OAS1: variants seen among roughly 807,000 people sequenced by gnomAD.
OAS1 encodes 2'-5'-oligoadenylate synthetase 1, also known as 2'-5'-oligoadenylate synthase 1.
In OAS1, 24 loss-of-function variants were observed where a neutral mutation model predicts 38.5. That is an observed-to-expected ratio of 0.62 (90% CI 0.45 to 0.88). The LOEUF (loss-of-function observed/expected upper bound fraction) is 0.88. Among genes scored for constraint, OAS1 ranks in the 40% least tolerant of loss-of-function variants. OAS1 has a pLI of 0.00. For missense variants in OAS1, 482 were observed against 493.9 expected (o/e 0.98, Z 0.23); for synonymous variants, 169 against 193.9 (o/e 0.87, Z 1.07).
At chr12:112,909,010 T>C (rs2136297154) in intron 2 of OAS1, 186 bp downstream of exon 2, 2 of 547,782 alleles carry the variant, frequency 3.7e-6, no homozygotes. Context: ...AAACAGCAAA[T>C]TGGCATAATG....
In OAS1 at chr12:112,919,659, G is replaced by C. The variant is rs1466964498; in HGVS notation, c.*106G>C. 1.9e-6 allele frequency: 3 copies of C among 1,589,452 alleles called. No homozygotes were observed. The highest frequency in any genetic ancestry group is 1.8e-5 in the Admixed American group (1 of 55,372). ...AGAGGACAAAGCTCCTCAGTGAGCTGGTGTATAATCCAGGACAGAACCCAG... is the reference window on the plus strand; with the variant it reads ...AGAGGACAAAGCTCCTCAGTGAGCTCGTGTATAATCCAGGACAGAACCCAG... On this transcript the variant is annotated 3_prime_UTR_variant, in exon 6 of 6. Coordinates refer to ENST00000202917, the MANE Select transcript of OAS1 (RefSeq NM_016816.4).
Position 112,908,520 on chromosome 12 carries a change from T to C in OAS1, c.181-16T>C, listed in dbSNP as rs1476587006. 1.3e-6 allele frequency: 2 copies of C among 1,596,564 alleles called. No homozygotes were observed. The highest frequency in any genetic ancestry group is 1.8e-5 in the Admixed American group (1 of 56,040). ...CCTCACTAAGCATCAATTATTATTT[T>C]TGTCGTCTTTTTCAGGGTGGCTCCT... On this transcript the variant is annotated splice_polypyrimidine_tract_variant and intron_variant, in intron 1 of 5. Transcript: ENST00000202917.
rs113343896 is a variant in OAS1, at chr12:112,928,197, G to T, written c.1168-3681G>T. Among the ~76,000 whole-genome samples, 7 of 152,326 alleles carry T rather than the reference G, an allele frequency of 4.6e-5. 1 individual carries two copies. Among genetic ancestry groups the T allele is most frequent in the African/African-American group, 1.7e-4 (7 of 41,568 alleles). ...CTTCATTCAGGAATTTGAATGTTCA[G>T]TCCTTGATATTTTATCAACCCTTCA... is the stretch of plus-strand genomic sequence containing the variant. On this transcript the variant is annotated intron_variant, in intron 6 of 6. Coordinates refer to the OAS1 transcript ENST00000540589.
downstream of OAS1, chr12:112,919,926 C>A (rs1199762796): frequency 1.8e-6 from 1 of 545,620 alleles, no homozygotes; most frequent in Non-Finnish European, 3.1e-6. Flanking sequence ...TTATTAACTT[C>A]AAGGCACAGA....
chr12:112,921,688 G>C (rs2043530155), downstream of OAS1, among the ~76,000 whole-genome samples: 1 of 152,190 alleles, frequency 6.6e-6, no homozygotes, highest in African/African-American at 2.4e-5. Flanking sequence ...GCTGGTGTGG[G>C]CCAAGTAGAG....
chr12:112,911,127 A>G lies in OAS1; in HGVS notation c.546A>G (p.Lys182=), dbSNP rs368514750. ...KLIEECTDLQ[K]EGEFSTCFTE... is the part of the protein sequence containing the mutation. The stretch of plus-strand genomic sequence containing the variant: ...TCGAGGAGTGCACCGACCTGCAGAA[A>G]GAGGGCGAGTTCTCCACCTGCTTCA... The change falls in exon 3 of 6, where the codon AAA becomes AAG. Residue 182 remains lysine, a synonymous_variant. Transcript: ENST00000202917. 6.2e-7 allele frequency: 1 copy of G among 1,613,844 alleles called. No individual in the cohort carries two copies. The highest frequency in any genetic ancestry group is 8.5e-7 in the Non-Finnish European group (1 of 1,179,984).
Position 112,907,236 on chromosome 12 carries a change from C to G in OAS1, c.180+17C>G. 1.2e-5 allele frequency: 19 copies of G among 1,611,190 alleles called. No individual in the cohort carries two copies. The highest frequency in any genetic ancestry group is 1.6e-5 in the Non-Finnish European group (19 of 1,177,680). On this transcript the variant is annotated intron_variant, in intron 1 of 5. Coordinates refer to ENST00000202917, the MANE Select transcript of OAS1 (RefSeq NM_016816.4). Reference sequence around the variant, plus strand: ...GTGGTAAAGGTGAGTCCAGGCCTGCCTGGCCAGGGGAGGGGTGGCTGAATG... The same window carrying G: ...GTGGTAAAGGTGAGTCCAGGCCTGCGTGGCCAGGGGAGGGGTGGCTGAATG...
At chr12:112,923,855 T>C (rs1055375627), downstream of OAS1, among the ~76,000 whole-genome samples, 4 of 152,054 alleles carry the variant, frequency 2.6e-5, no homozygotes, top group African/African-American at 9.7e-5. Context: ...AAGCTGAATG[T>C]CCACATGCAA....
Position 112,919,564 on chromosome 12 carries a change from A to G in OAS1, c.*11A>G. The G allele has an allele frequency of 6.2e-7, 1 of 1,614,170 alleles. No individual in the cohort carries two copies. The highest frequency in any genetic ancestry group is 8.5e-7 in the Non-Finnish European group (1 of 1,180,022). On this transcript the variant is annotated 3_prime_UTR_variant, in exon 6 of 6. Coordinates refer to ENST00000202917, the MANE Select transcript of OAS1 (RefSeq NM_016816.4). Reference sequence around the variant, plus strand: ...TGCACCATCCTCTGAATGCCAGTGCATCTTGGGGGAAAGGGCTCCAGTGTT... The same window carrying G: ...TGCACCATCCTCTGAATGCCAGTGCGTCTTGGGGGAAAGGGCTCCAGTGTT...
chr12:112,927,506 G>A (rs368790168), intron 6 of OAS1, among the ~76,000 whole-genome samples: 1 of 152,166 alleles, frequency 6.6e-6, no homozygotes, highest in Non-Finnish European at 1.5e-5. Context: ...TTTGGCCATA[G>A]GAGACTTCTA....
chr12:112,912,720 C>A (rs2043403074), intron 3 of OAS1, among the ~76,000 whole-genome samples: 1 of 152,186 alleles, frequency 6.6e-6, no homozygotes, highest in South Asian at 2.1e-4. Flanking sequence ...GACAAGAATG[C>A]TAGTTATTGT....
At position 112,908,785 on chromosome 12, in the gene OAS1, G is replaced by T. The variant is rs747193487; in HGVS notation, c.430G>T (p.Gly144Trp). 1.2e-6 allele frequency: 2 copies of T among 1,608,250 alleles called. No individual in the cohort carries two copies. The highest frequency in any genetic ancestry group is 2.2e-5 in the East Asian group (1 of 44,710). The change falls in exon 2 of 6, where the codon GGG becomes TGG. Residue 144 changes from glycine (G) to tryptophan (W), a missense_variant. Coordinates refer to ENST00000202917, the MANE Select transcript of OAS1 (RefSeq NM_016816.4). The part of the protein sequence containing the change: ...FVLSSLQLGE[G>W]VEFDVLPAFD... ...ACTGAGTTCGCTCCAGCTCGGGGAG[G>T]GGGTGGAGTTCGATGTGCTGCCTGC... is the stretch of plus-strand genomic sequence containing the variant.
chr12:112,908,566 A>C lies in OAS1; in HGVS notation c.211A>C (p.Arg71=), dbSNP rs2043329149. Residue 71 remains arginine, a synonymous_variant, in exon 2 of 6, where the codon AGA becomes CGA. Transcript: ENST00000202917. ...GGSSGKGTTL[R]GRSDADLVVF... is the part of the protein sequence containing the mutation. ...CTCCTCAGGCAAGGGCACCACCCTC[A>C]GAGGCCGATCTGACGCTGACCTGGT... The C allele has an allele frequency of 6.2e-7, 1 of 1,614,098 alleles. No individual in the cohort carries two copies.
At position 112,911,229 on chromosome 12, in the gene OAS1, C is replaced by T. The variant is rs181527334; in HGVS notation, c.648C>T (p.Tyr216=). 5.6e-6 allele frequency: 9 copies of T among 1,611,744 alleles called. No homozygotes were observed. In the Admixed American group the frequency reaches 1.5e-4, roughly 27 times the overall value. ...KSLIRLVKHW[Y]QNCKKKLGKL... is the part of the protein sequence containing the mutation. The stretch of plus-strand genomic sequence containing the variant: ...TCATCCGCCTAGTCAAGCACTGGTA[C>T]CAAAATGTATGGCCCTCCCACCAGG... Residue 216 remains tyrosine (Y), a synonymous_variant, in exon 3 of 6, where the codon TAC becomes TAT. Transcript: ENST00000202917.
At chr12:112,923,068 A>C (rs1321844509), downstream of OAS1, among the ~76,000 whole-genome samples, 2 of 152,204 alleles carry the variant, frequency 1.3e-5, no homozygotes, top group Non-Finnish European at 2.9e-5. Context: ...TATACATTAA[A>C]TGTGTGCACT....
chr12:112,932,179 T>C (rs2043602102), downstream of OAS1: 1 of 379,622 alleles, frequency 2.6e-6, no homozygotes, highest in African/African-American at 2.1e-5. Context: ...TCTCTGTCCC[T>C]CATTAAAAAA....
chr12:112,911,789 T>C (rs772103144), intron 3 of OAS1, among the ~76,000 whole-genome samples: 1 of 152,176 alleles, frequency 6.6e-6, no homozygotes, highest in Non-Finnish European at 1.5e-5. Context: ...ATGTAGCATA[T>C]TTTAGCCACC....
At chr12:112,909,154 T>A (rs1009992628) in intron 2 of OAS1, 12 of 402,536 alleles carry the variant, frequency 3.0e-5, no homozygotes, top group Non-Finnish European at 4.8e-5. Flanking sequence ...CTCATCTTTG[T>A]CCCAACATGA....
At chr12:112,925,602 C>T (rs1019825433) in intron 6 of OAS1, among the ~76,000 whole-genome samples, 11 of 152,068 alleles carry the variant, frequency 7.2e-5, no homozygotes, top group South Asian at 2.1e-4. Context: ...GCCTGGGTAA[C>T]ATAGTGAGAC....
Sources: allele counts gnomAD v4.1 joint callset (sites outside exome capture counted in the v4.1 genomes callset), GRCh38; gene constraint gnomAD v4.1.1; transcripts MANE v1.5; gene names NCBI Gene and HGNC (gene_info 2026-07-23, HGNC 2026-07-21).